The following GPR21 variants were observed in gnomAD, a reference collection of about 807,000 sequenced individuals.
GPR21 encodes G protein-coupled receptor 21.
A neutral mutation model predicts 21.5 loss-of-function variants in GPR21; 9 were observed. That is an observed-to-expected ratio of 0.42 (90% CI 0.25 to 0.73). The LOEUF (loss-of-function observed/expected upper bound fraction) is 0.73. GPR21 is among the 30% of genes least tolerant of loss of function. The pLI, the probability that GPR21 is intolerant of heterozygous loss-of-function variation, is 0.27. For missense variants in GPR21, 416 were observed against 428.9 expected (o/e 0.97, Z 0.27); for synonymous variants, 169 against 159.3 (o/e 1.06, Z -0.46).
downstream of GPR21, among the ~76,000 whole-genome samples, chr9:123,038,226 A>G (rs41508547): frequency 0.017 from 2,620 of 152,186 alleles, 85 homozygotes; most frequent in African/African-American, 0.06. Flanking sequence ...TCACGGGCCT[A>G]TTGACTCTTA....
At chr9:123,043,375 T>C in the GPR21 span, among the ~76,000 whole-genome samples, 1 of 151,846 alleles carries the variant, frequency 6.6e-6, no homozygotes, top group African/African-American at 2.4e-5. Flanking sequence ...TCTAGGAAAA[T>C]ATAGTTGGGA....
At chr9:123,047,927 T>G in the GPR21 span, among the ~76,000 whole-genome samples, 2 of 61,070 alleles carry the variant, frequency 3.3e-5, no homozygotes, top group Non-Finnish European at 4.8e-5. Flanking sequence ...GGGTTTTTTT[T>G]TTTTTTTTTT....
chr9:123,039,344 T>A (rs1271527272), downstream of GPR21, among the ~76,000 whole-genome samples: 1 of 152,168 alleles, frequency 6.6e-6, no homozygotes, highest in Non-Finnish European at 1.5e-5. Flanking sequence ...CAGTGTCTCT[T>A]ATCTGTCTGG....
downstream of GPR21, among the ~76,000 whole-genome samples, chr9:123,038,369 AT>A (rs534550432): frequency 1.3e-5 from 2 of 151,640 alleles, no homozygotes; most frequent in East Asian, 1.9e-4. Context: ...GAAAACTTGA[AT>A]TTTTTTTTAC....
At position 123,034,602 on chromosome 9, in the gene GPR21, C is replaced by A; in HGVS notation, c.36C>A (p.His12Gln). Reference protein sequence around the residue: ...NSTLDGNQSSHPFCLLAFGYL... With the variant: ...NSTLDGNQSSQPFCLLAFGYL... ...CCTTGGATGGTAATCAGAGCAGCCACCCTTTTTGCCTCTTGGCATTTGGCT... is the reference window on the plus strand; with the variant it reads ...CCTTGGATGGTAATCAGAGCAGCCAACCTTTTTGCCTCTTGGCATTTGGCT... Residue 12 changes from histidine to glutamine, a missense_variant, in exon 2 of 2, where the codon CAC becomes CAA. His to Gln is a conservative substitution (Grantham distance 24). Coordinates refer to ENST00000616002, the MANE Select transcript of GPR21 (RefSeq NM_005294.3). 1 of 1,612,328 alleles carries A rather than the reference C, an allele frequency of 6.2e-7. No homozygotes were observed. The highest frequency in any genetic ancestry group is 8.5e-7 in the Non-Finnish European group (1 of 1,179,010).
Position 123,034,843 on chromosome 9 carries a change from C to G in GPR21, c.277C>G (p.Pro93Ala). The change falls in exon 2 of 2, where the codon CCC becomes GCC. Residue 93 changes from proline (P) to alanine (A), a missense_variant. By Grantham distance (27) the Pro-to-Ala change is conservative. Coordinates refer to ENST00000616002, the MANE Select transcript of GPR21 (RefSeq NM_005294.3). ...VVPSLSLLHHPLPVEESLTCQ... is the reference protein window; with the variant it reads ...VVPSLSLLHHALPVEESLTCQ... ...CCCTTCTTTATCACTCCTCCATCAC[C>G]CCCTTCCAGTAGAGGAGTCCTTGAC... is the stretch of plus-strand genomic sequence containing the variant. The G allele has an allele frequency of 1.2e-6, 2 of 1,614,064 alleles. No homozygotes were observed. The highest frequency in any genetic ancestry group is 1.7e-6 in the Non-Finnish European group (2 of 1,179,958).
At chr9:123,043,083 T>C in the GPR21 span, among the ~76,000 whole-genome samples, 16,611 of 152,106 alleles carry the variant, frequency 0.11, 2,933 homozygotes, top group African/African-American at 0.37. Flanking sequence ...GTCATTCAAG[T>C]GTGAGGGTAA....
chr9:123,047,542 G>T, the GPR21 span, among the ~76,000 whole-genome samples: 1 of 152,078 alleles, frequency 6.6e-6, no homozygotes, highest in Middle Eastern at 3.2e-3. Flanking sequence ...AATAGAAAAA[G>T]ATCTGGTTTA....
chr9:123,034,258 C>T lies in GPR21; in HGVS notation c.-309C>T. ...ACCCTTTCCCCCTACCCTCACTTGG[C>T]CTGAAGACGTTCTCCCCAGAGTTTA... On this transcript the variant is annotated 5_prime_UTR_variant, in exon 2 of 2. Transcript: ENST00000616002. The T allele has an allele frequency of 2.5e-6, 1 of 404,874 alleles. No individual in the cohort carries two copies. The highest frequency in any genetic ancestry group is 4.4e-6 in the Non-Finnish European group (1 of 229,190). The allele number at this position is 404,874 out of a possible 1,614,324, so 25.1% of individuals were successfully genotyped here. A position where few individuals can be genotyped will look rare whatever the true frequency, so the allele number is the denominator to read the frequency against.
chr9:123,034,643 A>G lies in GPR21; in HGVS notation c.77A>G (p.Asn26Ser), dbSNP rs770622013. The G allele has an allele frequency of 1.7e-5, 27 of 1,613,662 alleles. No individual in the cohort carries two copies. Among genetic ancestry groups the G allele is most frequent in the Middle Eastern group, 1.6e-4 (1 of 6,080 alleles). The change falls in exon 2 of 2, where the codon AAT becomes AGT. Residue 26 changes from asparagine (N) to serine (S), a missense_variant. Asn to Ser is a conservative substitution (Grantham distance 46, BLOSUM62 1). Coordinates refer to ENST00000616002, the MANE Select transcript of GPR21 (RefSeq NM_005294.3). ...LLAFGYLETV[N>S]FCLLEVLIIV... The stretch of plus-strand genomic sequence containing the variant: ...GCATTTGGCTATTTGGAAACTGTCA[A>G]TTTTTGCCTTTTGGAAGTATTGATT...
downstream of GPR21, among the ~76,000 whole-genome samples, chr9:123,036,170 T>C (rs930824106): frequency 6.6e-6 from 1 of 152,260 alleles, no homozygotes; most frequent in East Asian, 1.9e-4. Flanking sequence ...TTCTGTGTTT[T>C]ATTCTCTTGA....
intron 1 of GPR21, 108 bp downstream of exon 1, chr9:123,033,850 T>C (rs1272124000): frequency 6.6e-6 from 1 of 152,274 alleles, no homozygotes; most frequent in Non-Finnish European, 1.5e-5. Flanking sequence ...TGGCTAATTT[T>C]ATTAGTGGTA....
rs1262449430 is a variant in GPR21, at chr9:123,034,352, A to G, written c.-215A>G. 1.6e-5 allele frequency: 9 copies of G among 567,714 alleles called. No homozygotes were observed. The East Asian group carries it at 2.0e-4, about 13-fold the overall frequency. 35.2% of individuals were successfully genotyped at this position (567,714 alleles called of 1,614,324 possible). ...GGCCGCGTCTGGGACTGGCCAGACA[A>G]CTGCTGCTGGCTCTCCTTATTCCAG... On this transcript the variant is annotated 5_prime_UTR_variant, in exon 2 of 2. Transcript: ENST00000616002.
chr9:123,040,783 A>T, the GPR21 span, among the ~76,000 whole-genome samples: 1 of 152,190 alleles, frequency 6.6e-6, no homozygotes, highest in South Asian at 2.1e-4. Flanking sequence ...ACCTATAAAA[A>T]TTAATAGCAT....
At chr9:123,044,625 A>ATGTGTG in the GPR21 span, among the ~76,000 whole-genome samples, 1 of 79,452 alleles carries the variant, frequency 1.3e-5, no homozygotes, top group African/African-American at 4.1e-5. Context: ...AAACACACGT[A>ATGTGTG]CGTGTGTGTG....
At chr9:123,038,875 A>G (rs1056624488), downstream of GPR21, among the ~76,000 whole-genome samples, 1 of 152,118 alleles carries the variant, frequency 6.6e-6, no homozygotes, top group African/African-American at 2.4e-5. Context: ...TATAGTAAAA[A>G]TGAAGTTGGA....
At chr9:123,044,795 A>G in the GPR21 span, among the ~76,000 whole-genome samples, 1 of 152,192 alleles carries the variant, frequency 6.6e-6, no homozygotes, top group Non-Finnish European at 1.5e-5. Context: ...CTTAGAAGGC[A>G]GTGTGAGAGA....
chr9:123,036,811 A>G (rs549340254), downstream of GPR21, among the ~76,000 whole-genome samples: 90 of 151,914 alleles, frequency 5.9e-4, 1 homozygote, highest in South Asian at 1.0e-3. Context: ...ACAGTTCTTA[A>G]TGGTCTTTTT....
the GPR21 span, among the ~76,000 whole-genome samples, chr9:123,043,900 C>CTTTTTTTTT: frequency 7.7e-6 from 1 of 129,430 alleles, no homozygotes; most frequent in African/African-American, 2.9e-5. Context: ...GTATTATTTT[C>CTTTTTTTTT]TTTTTTTTTT....
Sources: gnomAD v4.1 joint callset for allele counts (sites outside exome capture counted in the v4.1 genomes callset) on GRCh38, gnomAD v4.1.1 for gene constraint, MANE v1.5 for transcripts, NCBI Gene and HGNC (gene_info 2026-07-23, HGNC 2026-07-21) for gene names.